GABBR2: variants seen among roughly 807,000 people sequenced by gnomAD.
The protein encoded by GABBR2 is G-protein coupled receptor 51.
A neutral mutation model predicts 105.6 loss-of-function variants in GABBR2; 23 were observed. The ratio of observed to expected loss-of-function variants is 0.22; its 90% CI spans 0.16 to 0.31. The LOEUF (loss-of-function observed/expected upper bound fraction) is 0.31. Ranked by LOEUF, GABBR2 falls within the 10% of genes least tolerant of loss-of-function variation. The pLI, the probability that GABBR2 is intolerant of heterozygous loss-of-function variation, is 1.00. For missense variants in GABBR2, 734 were observed against 1,245.5 expected (o/e 0.59, Z 6.18); for synonymous variants, 478 against 499.7 (o/e 0.96, Z 0.58).
Position 98,324,819 on chromosome 9 carries a change from C to T in GABBR2, c.1894-13614G>A, listed in dbSNP as rs1830892170. ...CAATCCTCCTCTGATGACGGAGTTA[C>T]CAGTGATGCTCAGGATGCTCCGATT... On this transcript the variant is annotated intron_variant, in intron 13 of 18. Transcript: ENST00000259455. 2.0e-5 allele frequency among the ~76,000 whole-genome samples: 3 copies of T among 152,120 alleles called. No homozygotes were observed. The South Asian group carries it at 6.2e-4, about 32-fold the overall frequency.
intron 7 of GABBR2, among the ~76,000 whole-genome samples, chr9:98,433,934 A>T (rs1202644086): frequency 6.6e-6 from 1 of 151,888 alleles, no homozygotes; most frequent in Non-Finnish European, 1.5e-5. Flanking sequence ...ACTTGATTGG[A>T]TTGAAGGATA....
chr9:98,554,505 T>C (rs1436078038), intron 2 of GABBR2, among the ~76,000 whole-genome samples: 3 of 152,078 alleles, frequency 2.0e-5, no homozygotes, highest in African/African-American at 2.4e-5. Context: ...TACGTATATT[T>C]AAAAACATTC....
At chr9:98,630,038 A>G (rs1233340972) in intron 1 of GABBR2, among the ~76,000 whole-genome samples, 1 of 152,108 alleles carries the variant, frequency 6.6e-6, no homozygotes, top group African/African-American at 2.4e-5. Flanking sequence ...ACTGAGCCCT[A>G]TTTCAGGATT....
At chr9:98,461,291 T>TA (rs1158286629) in intron 6 of GABBR2, among the ~76,000 whole-genome samples, 1 of 152,162 alleles carries the variant, frequency 6.6e-6, no homozygotes, top group Non-Finnish European at 1.5e-5. Flanking sequence ...GAACAAAGAT[T>TA]AAGGATTTAT....
At chr9:98,507,211 A>G (rs765647304) in intron 3 of GABBR2, among the ~76,000 whole-genome samples, 2 of 152,158 alleles carry the variant, frequency 1.3e-5, no homozygotes, top group Non-Finnish European at 2.9e-5. Flanking sequence ...AAAATATGTT[A>G]CCTTATGTGG....
At chr9:98,312,270 T>C (rs1010121669) in intron 13 of GABBR2, among the ~76,000 whole-genome samples, 4 of 152,248 alleles carry the variant, frequency 2.6e-5, no homozygotes, top group Non-Finnish European at 5.9e-5. Flanking sequence ...TGTCTTTGGT[T>C]TCCTTTAATC....
rs533689757 is a variant in GABBR2 at position 98,470,474 on chromosome 9, G to T, written c.999+2672C>A. ...AAACTTATTCTCTACCACAAGAACA[G>T]TGTGGGGGAAACTGTCCCCATGATT... On this transcript the variant is annotated intron_variant, in intron 6 of 18. Transcript: ENST00000259455. 2.0e-5 allele frequency among the ~76,000 whole-genome samples: 3 copies of T among 152,316 alleles called. No individual in the cohort carries two copies. The East Asian group carries it at 5.8e-4, about 29-fold the overall frequency.
chr9:98,692,296 T>C (rs1259461287), intron 1 of GABBR2, among the ~76,000 whole-genome samples: 2 of 152,136 alleles, frequency 1.3e-5, no homozygotes, highest in African/African-American at 4.8e-5. Context: ...GTGTCCAGCA[T>C]GAGGTCACCT....
intron 7 of GABBR2, among the ~76,000 whole-genome samples, chr9:98,447,451 A>G (rs1564072625): frequency 1.3e-5 from 2 of 152,146 alleles, no homozygotes; most frequent in South Asian, 2.1e-4. Flanking sequence ...TAGTCTCTAC[A>G]TTGGAAAGTA....
At chr9:98,626,621 A>T (rs1286959858) in intron 1 of GABBR2, among the ~76,000 whole-genome samples, 1 of 152,144 alleles carries the variant, frequency 6.6e-6, no homozygotes, top group Non-Finnish European at 1.5e-5. Flanking sequence ...ATCTCTTAGG[A>T]CTATGAAGTT....
intron 1 of GABBR2, among the ~76,000 whole-genome samples, chr9:98,612,008 T>A (rs1354311736): frequency 6.6e-6 from 1 of 152,216 alleles, no homozygotes; most frequent in Non-Finnish European, 1.5e-5. Context: ...TCCAAACCCA[T>A]CTTTGAGGCT....
At chr9:98,538,329 C>A (rs886080904) in intron 3 of GABBR2, among the ~76,000 whole-genome samples, 1 of 152,196 alleles carries the variant, frequency 6.6e-6, no homozygotes, top group South Asian at 2.1e-4. Flanking sequence ...CATCTTTCAT[C>A]CAGAGGGGGC....
chr9:98,405,544 G>A (rs949460813), intron 8 of GABBR2, among the ~76,000 whole-genome samples: 43 of 152,250 alleles, frequency 2.8e-4, no homozygotes, highest in African/African-American at 1.0e-3. Context: ...GGCAGAATAG[G>A]CCAGGGAAGC....
At chr9:98,373,149 T>A (rs1831814929) in intron 11 of GABBR2, among the ~76,000 whole-genome samples, 2 of 152,054 alleles carry the variant, frequency 1.3e-5, no homozygotes, top group South Asian at 4.1e-4. Context: ...CCTGAGCATA[T>A]TCAATGAACA....
In GABBR2 at chr9:98,293,681, G is replaced by A. The variant is rs116655774; in HGVS notation, c.2660+104C>T. 1.5e-3 allele frequency: 1,007 copies of A among 670,070 alleles called. 11 individuals are homozygous for A. The African/African-American group carries it at 0.016, about 11-fold the overall frequency. The allele number at this position is 670,070 out of a possible 1,614,324, so 41.5% of individuals were successfully genotyped here. On this transcript the variant is annotated intron_variant, in intron 18 of 18. Transcript: ENST00000259455. ...CTGCATCATGGGATGGCTGTGGAAA[G>A]CAAATAAAATAATGGATGTGAAAAC...
intron 1 of GABBR2, among the ~76,000 whole-genome samples, chr9:98,622,909 G>A (rs766755424): frequency 2.6e-5 from 4 of 152,276 alleles, no homozygotes; most frequent in Admixed American, 6.5e-5. Context: ...GTATCATTAC[G>A]TATTTGTCCA....
chr9:98,419,302 C>T (rs745558271), intron 7 of GABBR2, among the ~76,000 whole-genome samples: 1 of 152,198 alleles, frequency 6.6e-6, no homozygotes, highest in Non-Finnish European at 1.5e-5. Flanking sequence ...CCCAGTCACA[C>T]TGGTTGCAGT....
intron 2 of GABBR2, among the ~76,000 whole-genome samples, chr9:98,559,975 A>AACACACAC (rs3029105): frequency 6.7e-6 from 1 of 150,264 alleles, no homozygotes; most frequent in African/African-American, 2.4e-5. Context: ...ATGAGGAACA[A>AACACACAC]ACACACACAC....
At chr9:98,415,958 TGGTGTGTG>T (rs1008554717) in intron 7 of GABBR2, among the ~76,000 whole-genome samples, 1 of 152,068 alleles carries the variant, frequency 6.6e-6, no homozygotes, top group African/African-American at 2.4e-5. Context: ...GCTAGAGGGA[TGGTGTGTG>T]GGTGTAGTAG....
Sources: allele counts gnomAD v4.1 joint callset (sites outside exome capture counted in the v4.1 genomes callset), GRCh38; gene constraint gnomAD v4.1.1; transcripts MANE v1.5; gene names NCBI Gene and HGNC (gene_info 2026-07-23, HGNC 2026-07-21).